Variants in RIC1 observed in about 807,000 individuals in gnomAD.
RIC1 encodes the protein RIC1 partner of RAB6A GEF complex, also known as guanine nucleotide exchange factor subunit RIC1.
In RIC1, 88 loss-of-function variants were observed where a neutral mutation model predicts 169.0. The observed-to-expected ratio is 0.52, with a 90% confidence interval of 0.44 to 0.62. The LOEUF (loss-of-function observed/expected upper bound fraction) is 0.62. Ranked by LOEUF, RIC1 falls within the 20% of genes least tolerant of loss-of-function variation. The pLI is 0.00. For missense variants in RIC1, 1,877 were observed against 1,725.5 expected (o/e 1.09, Z -1.56); for synonymous variants, 790 against 601.5 (o/e 1.31, Z -4.59).
intron 1 of RIC1, among the ~76,000 whole-genome samples, chr9:5,653,521 T>G (rs963712006): frequency 6.6e-6 from 1 of 152,220 alleles, no homozygotes; most frequent in Non-Finnish European, 1.5e-5. Flanking sequence ...TGGGAAGAAC[T>G]GACATATTGT....
chr9:5,726,272 T>C (rs1823976520), intron 6 of RIC1, among the ~76,000 whole-genome samples: 1 of 152,242 alleles, frequency 6.6e-6, no homozygotes, highest in Admixed American at 6.5e-5. Flanking sequence ...GATAGTTAGC[T>C]CTTCTTGTTG....
intron 2 of RIC1, among the ~76,000 whole-genome samples, chr9:5,684,284 C>G (rs1563897806): frequency 3.6e-4 from 5 of 14,022 alleles, no homozygotes; most frequent in Non-Finnish European, 2.9e-3. Context: ...ACCCCCCCCC[C>G]CCCCCCCCCC....
Position 5,769,165 on chromosome 9 carries a change from G to A in RIC1, c.3333G>A (p.Leu1111=). 6.2e-7 allele frequency: 1 copy of A among 1,614,060 alleles called. No individual in the cohort carries two copies. The highest frequency in any genetic ancestry group is 1.1e-5 in the South Asian group (1 of 91,068). ...GGGTAGACAACTTTGTAATAGCCCT[G>A]AAGAGACTCCACAAAGATTTCCTGT... ...AARVDNFVIA[L]KRLHKDFLWP... The change falls in exon 22 of 26, where the codon CTG becomes CTA. Residue 1111 remains leucine, a synonymous_variant. Coordinates refer to ENST00000414202, the MANE Select transcript of RIC1 (RefSeq NM_020829.4).
At chr9:5,754,578 A>C (rs1825895906) in intron 14 of RIC1, among the ~76,000 whole-genome samples, 1 of 152,070 alleles carries the variant, frequency 6.6e-6, no homozygotes, top group South Asian at 2.1e-4. Context: ...AATATACAAA[A>C]TTAGCTAGGT....
At chr9:5,723,840 G>C (rs1350034621) in intron 6 of RIC1, among the ~76,000 whole-genome samples, 8 of 152,132 alleles carry the variant, frequency 5.3e-5, no homozygotes, top group Non-Finnish European at 1.0e-4. Context: ...TCTTGTTTTT[G>C]TCAGGTTTGT....
At chr9:5,682,625 C>T (rs1156951324) in intron 2 of RIC1, among the ~76,000 whole-genome samples, 1 of 152,242 alleles carries the variant, frequency 6.6e-6, no homozygotes, top group East Asian at 1.9e-4. Flanking sequence ...CTGAATCTGA[C>T]AATTATGTGT....
chr9:5,742,933 A>G lies in RIC1; in HGVS notation c.966A>G (p.Ile322Met). 1 of 1,613,366 alleles carries G rather than the reference A, an allele frequency of 6.2e-7. No homozygotes were observed. Among genetic ancestry groups the G allele is most frequent in the Non-Finnish European group, 8.5e-7 (1 of 1,179,484 alleles). The change falls in exon 9 of 26, where the codon ATA (isoleucine) becomes ATG (methionine). Residue 322 changes from isoleucine (I) to methionine (M), a missense_variant. Coordinates refer to ENST00000414202, the MANE Select transcript of RIC1 (RefSeq NM_020829.4). ...GGTCTCCTGACAATAGTGTTGTAAT[A>G]GTGACCTGGGAATACGGAGGCCTTT... ...MRWSPDNSVV[I>M]VTWEYGGLSL...
At chr9:5,646,469 T>C (rs1019822466) in intron 1 of RIC1, among the ~76,000 whole-genome samples, 27 of 152,206 alleles carry the variant, frequency 1.8e-4, no homozygotes, top group Non-Finnish European at 2.2e-4. Flanking sequence ...TTTTATATAG[T>C]GTAATGCATT....
chr9:5,682,810 A>G (rs200927597), intron 2 of RIC1, among the ~76,000 whole-genome samples: 1 of 152,146 alleles, frequency 6.6e-6, no homozygotes, highest in African/African-American at 2.4e-5. Flanking sequence ...CCAATCAGAC[A>G]TAGATTTTGT....
At chr9:5,752,338 ATGTT>A (rs1215698716) in intron 12 of RIC1, among the ~76,000 whole-genome samples, 2 of 152,142 alleles carry the variant, frequency 1.3e-5, no homozygotes, top group Non-Finnish European at 2.9e-5. Flanking sequence ...ACATATATAT[ATGTT>A]TGTTTAGAGA....
intron 15 of RIC1, 71 bp from the exon 16 acceptor site, chr9:5,756,141 T>G: frequency 2.0e-4 from 181 of 887,406 alleles, no homozygotes; most frequent in Non-Finnish European, 2.3e-4. Context: ...AAAAACAGCA[T>G]GTTTAAAGTA....
At chr9:5,686,510 A>T (rs1563899905) in intron 2 of RIC1, among the ~76,000 whole-genome samples, 1 of 151,952 alleles carries the variant, frequency 6.6e-6, no homozygotes, top group Non-Finnish European at 1.5e-5. Context: ...CATCATTCTC[A>T]GTAAACTATC....
At position 5,776,385 on chromosome 9, in the gene RIC1, T is replaced by TAAC. The variant is rs1358075375; in HGVS notation, c.*2140_*2142dup. ...AGCCAATGAATTTAAATATTCAGTA[T>TAAC]AACTATTTGAGGTTTACTAGATGCA... On this transcript the variant is annotated 3_prime_UTR_variant, in exon 26 of 26. Transcript: ENST00000414202. The TAAC allele has an allele frequency of 6.6e-6, 1 of 152,166 alleles. No individual in the cohort carries two copies. Among genetic ancestry groups the TAAC allele is most frequent in the Non-Finnish European group, 1.5e-5 (1 of 67,978 alleles). The allele number at this position is 152,166 out of a possible 1,614,324, so 9.4% of individuals were successfully genotyped here.
chr9:5,728,913 T>C (rs946791593), intron 6 of RIC1, among the ~76,000 whole-genome samples: 3 of 152,200 alleles, frequency 2.0e-5, no homozygotes, highest in Non-Finnish European at 4.4e-5. Context: ...CTGTGAATTT[T>C]GGTTCGTTTG....
At chr9:5,762,705 T>A in intron 18 of RIC1, 45 bp downstream of exon 18, 1 of 1,596,454 alleles carries the variant, frequency 6.3e-7, no homozygotes, top group South Asian at 1.1e-5. Flanking sequence ...TAAGAAGGTA[T>A]GGGATGAGGA....
chr9:5,671,842 T>A (rs1205621140), intron 2 of RIC1, among the ~76,000 whole-genome samples: 2 of 152,138 alleles, frequency 1.3e-5, no homozygotes, highest in African/African-American at 4.8e-5. Flanking sequence ...AAGGTTTGCT[T>A]TGCCACTCCT....
intron 25 of RIC1, 88 bp from the exon 26 acceptor site, chr9:5,773,870 A>G (rs778497140): frequency 7.2e-6 from 9 of 1,257,984 alleles, no homozygotes; most frequent in Admixed American, 4.7e-5. Context: ...TCTTTACCAT[A>G]TCAATGTTCA....
chr9:5,762,993 T>A, intron 18 of RIC1, 147 bp from the exon 19 acceptor site: 1 of 981,648 alleles, frequency 1.0e-6, no homozygotes, highest in East Asian at 2.6e-5. Flanking sequence ...GATACTTTTA[T>A]TAACTCTAAT....
At chr9:5,742,366 T>G (rs189133103) in intron 8 of RIC1, among the ~76,000 whole-genome samples, 305 of 152,294 alleles carry the variant, frequency 2.0e-3, no homozygotes, top group African/African-American at 6.8e-3. Context: ...TTTTGAGGAT[T>G]TAAGTATTCT....
Sources: gnomAD v4.1 joint callset for allele counts (sites outside exome capture counted in the v4.1 genomes callset) on GRCh38, gnomAD v4.1.1 for gene constraint, MANE v1.5 for transcripts, NCBI Gene and HGNC (gene_info 2026-07-23, HGNC 2026-07-21) for gene names.